Variants in MID1 observed in about 807,000 individuals in gnomAD.
The protein encoded by MID1 is midline 1.
Under a neutral mutation model 40.4 loss-of-function variants are expected in MID1, and 7 were observed. That is an observed-to-expected ratio of 0.17 (90% CI 0.10 to 0.33). The LOEUF is 0.33. Ranked by LOEUF, MID1 falls within the 10% of genes least tolerant of loss-of-function variation. The probability of loss-of-function intolerance (pLI) is 1.00; values close to 1 mark genes in which losing one functional copy is unlikely to be tolerated. For synonymous variants in MID1, 229 were observed against 221.2 expected (o/e 1.04, Z -0.31); for missense variants, 367 against 558.5 (o/e 0.66, Z 3.46).
chrX:10,798,157 T>C, intron 1 of MID1, among the ~76,000 whole-genome samples: 1 of 112,354 alleles, frequency 8.9e-6, no homozygotes, highest in East Asian at 2.8e-4. Flanking sequence ...TCATGTTCTC[T>C]TTTCAGAGCA....
chrX:10,761,681 G>A (rs1280805590), intron 1 of MID1, among the ~76,000 whole-genome samples: 1 of 112,276 alleles, frequency 8.9e-6, no homozygotes, highest in Non-Finnish European at 1.9e-5. Context: ...AGGATGACAA[G>A]GACTTAGAGT....
At chrX:10,533,390 G>GAAAGA (rs1569089886) in intron 2 of MID1, among the ~76,000 whole-genome samples, 35 of 35,987 alleles carry the variant, frequency 9.7e-4, no homozygotes, top group East Asian at 9.5e-3. Context: ...AAGAAAGAAA[G>GAAAGA]AAAAGAAAGA....
intron 1 of MID1, among the ~76,000 whole-genome samples, chrX:10,826,024 CACAGCT>C (rs1265047580): frequency 1.8e-5 from 2 of 111,460 alleles, no homozygotes; most frequent in Admixed American, 1.9e-4. Context: ...CTTAGCATCA[CACAGCT>C]ACTAAATGGA....
chrX:10,576,604 C>G (rs1011230086), intron 1 of MID1, among the ~76,000 whole-genome samples: 6 of 111,671 alleles, frequency 5.4e-5, no homozygotes, highest in African/African-American at 2.0e-4. Flanking sequence ...CCTGGAGGAA[C>G]AACCACCCTA....
intron 1 of MID1, among the ~76,000 whole-genome samples, chrX:10,734,340 G>A (rs1221658508): frequency 2.7e-5 from 3 of 110,966 alleles, no homozygotes; most frequent in African/African-American, 9.8e-5. Context: ...TAAATGATGA[G>A]AACTCATGAA....
At chrX:10,821,392 T>C (rs759806373) in intron 1 of MID1, among the ~76,000 whole-genome samples, 31 of 112,114 alleles carry the variant, frequency 2.8e-4, no homozygotes, top group Admixed American at 6.6e-4. Flanking sequence ...TGCACTACTA[T>C]TGTGGAATAG....
intron 1 of MID1, among the ~76,000 whole-genome samples, chrX:10,593,325 T>C (rs1435433051): frequency 8.9e-6 from 1 of 112,027 alleles, no homozygotes; most frequent in African/African-American, 3.2e-5. Context: ...TATAAACTAA[T>C]TGAGAAAGCA....
intron 1 of MID1, among the ~76,000 whole-genome samples, chrX:10,685,484 C>T (rs960186762): frequency 8.9e-6 from 1 of 111,998 alleles, no homozygotes; most frequent in African/African-American, 3.2e-5. Flanking sequence ...CTGGCCATAA[C>T]GAAATTCCCT....
At chrX:10,652,222 T>A (rs1400345137) in intron 1 of MID1, among the ~76,000 whole-genome samples, 2 of 111,852 alleles carry the variant, frequency 1.8e-5, no homozygotes, top group Non-Finnish European at 3.8e-5. Context: ...CTTCAGCTCG[T>A]GTCTGTCCCA....
intron 8 of MID1, among the ~76,000 whole-genome samples, 165 bp downstream of exon 8, chrX:10,459,481 T>C (rs1317749526): frequency 1.1e-4 from 12 of 112,474 alleles, no homozygotes; most frequent in Middle Eastern, 4.6e-3. Context: ...TTTTGGAACC[T>C]AGAGGTATCT....
intron 1 of MID1, among the ~76,000 whole-genome samples, chrX:10,770,184 C>T (rs1196147801): frequency 8.9e-6 from 1 of 111,871 alleles, no homozygotes; most frequent in Non-Finnish European, 1.9e-5. Context: ...GTTGCCACTG[C>T]TACATGAATT....
At chrX:10,583,582 T>C (rs927258116) in intron 1 of MID1, among the ~76,000 whole-genome samples, 2 of 112,359 alleles carry the variant, frequency 1.8e-5, no homozygotes, top group Non-Finnish European at 3.8e-5. Flanking sequence ...ATGTGATGAA[T>C]TATTGTAAAG....
chrX:10,668,941 C>A (rs933865741), intron 1 of MID1, among the ~76,000 whole-genome samples: 1 of 111,610 alleles, frequency 9.0e-6, no homozygotes, highest in Non-Finnish European at 1.9e-5. Context: ...AGGACACGGC[C>A]GGGCGCGGTG....
rs192541547 is a variant in MID1 at position 10,548,733 on chromosome X, A to G, written c.660+18155T>C. Among the ~76,000 whole-genome samples, 6 of 110,985 alleles carry G rather than the reference A, an allele frequency of 5.4e-5. No homozygotes were observed. In the Admixed American group the frequency reaches 5.7e-4, roughly 11 times the overall value. On this transcript the variant is annotated intron_variant, in intron 2 of 9. Coordinates refer to ENST00000317552, the MANE Select transcript of MID1 (RefSeq NM_000381.4). ...AAATACCCAAAGTTTCATAAGTACC[A>G]AACACATAACTCTCCACATTAATTG...
chrX:10,640,661 G>A (rs1412766510), intron 1 of MID1, among the ~76,000 whole-genome samples: 17 of 110,850 alleles, frequency 1.5e-4, no homozygotes, highest in Non-Finnish European at 3.0e-4. Flanking sequence ...TGCACCAAGC[G>A]GACCTAATAG....
chrX:10,716,428 G>GCT (rs2043303724), intron 1 of MID1, among the ~76,000 whole-genome samples: 1 of 111,913 alleles, frequency 8.9e-6, no homozygotes, highest in Non-Finnish European at 1.9e-5. Flanking sequence ...TTGATCAACT[G>GCT]GAAGAAAGGG....
At chrX:10,589,683 G>A (rs1208187062) in intron 1 of MID1, 2 of 110,665 alleles carry the variant, frequency 1.8e-5, no homozygotes, top group African/African-American at 3.3e-5. Context: ...CGGCTCTGGC[G>A]AGGCGTCCCA....
At chrX:10,786,080 C>T (rs2147135897) in intron 1 of MID1, among the ~76,000 whole-genome samples, 1 of 111,536 alleles carries the variant, frequency 9.0e-6, no homozygotes, top group South Asian at 3.8e-4. Context: ...TGACAAAGGG[C>T]TAATATCCAG....
chrX:10,787,464 CTCTTT>C (rs2043894238), intron 1 of MID1, among the ~76,000 whole-genome samples: 1 of 89,727 alleles, frequency 1.1e-5, no homozygotes, highest in African/African-American at 4.2e-5. Flanking sequence ...TAAAACCACT[CTCTTT>C]TCTTTTGTTT....
Sources: allele counts gnomAD v4.1 joint callset (sites outside exome capture counted in the v4.1 genomes callset), GRCh38; gene constraint gnomAD v4.1.1; transcripts MANE v1.5; gene names NCBI Gene and HGNC (gene_info 2026-07-23, HGNC 2026-07-21).